The following DCC variants were observed in gnomAD, a reference collection of about 807,000 sequenced individuals.
DCC encodes the protein DCC netrin 1 receptor.
A neutral mutation model predicts 172.5 loss-of-function variants in DCC; 58 were observed. The ratio of observed to expected loss-of-function variants is 0.34; its 90% confidence interval spans 0.27 to 0.42. The LOEUF is 0.42. DCC is among the 10% of genes least tolerant of loss of function. The pLI is 1.00. For synonymous variants in DCC, 709 were observed against 644.5 expected, an observed-to-expected ratio of 1.10 and a Z score of -1.52; for missense variants, 1,740 against 1,791.0, an observed-to-expected ratio of 0.97 and a Z score of 0.51.
intron 1 of DCC, among the ~76,000 whole-genome samples, chr18:52,540,658 G>C (rs2032415480): frequency 7.3e-6 from 1 of 137,138 alleles, no homozygotes; most frequent in Non-Finnish European, 1.5e-5. Context: ...CCAAGCCGGA[G>C]TGCAGTGGCG....
At chr18:52,965,543 G>A (rs1323035634) in intron 5 of DCC, among the ~76,000 whole-genome samples, 1 of 152,080 alleles carries the variant, frequency 6.6e-6, no homozygotes, top group African/African-American at 2.4e-5. Context: ...CAAAAATAGG[G>A]TTAAAACTAT....
At chr18:53,304,194 A>C (rs2057173214) in intron 12 of DCC, among the ~76,000 whole-genome samples, 1 of 152,020 alleles carries the variant, frequency 6.6e-6, no homozygotes, top group Non-Finnish European at 1.5e-5. Flanking sequence ...AAAAGGCAAC[A>C]TTTGGGTGTG....
At chr18:53,084,189 C>T (rs1258334242) in intron 7 of DCC, among the ~76,000 whole-genome samples, 1 of 152,210 alleles carries the variant, frequency 6.6e-6, no homozygotes, top group Non-Finnish European at 1.5e-5. Context: ...CAGGGCATCA[C>T]ATGGCAAGGA....
intron 2 of DCC, among the ~76,000 whole-genome samples, chr18:52,832,426 A>C (rs1346736489): frequency 8.1e-6 from 1 of 123,116 alleles, no homozygotes; most frequent in Non-Finnish European, 1.7e-5. Context: ...ATACCTATCA[A>C]AACTCTGCAT....
chr18:53,309,936 ATAT>A (rs2057245545), intron 13 of DCC, among the ~76,000 whole-genome samples: 1 of 139,264 alleles, frequency 7.2e-6, no homozygotes, highest in Non-Finnish European at 1.5e-5. Flanking sequence ...ATATATATAT[ATAT>A]ATATACATGT....
chr18:53,356,114 G>A (rs1410122817), intron 15 of DCC, among the ~76,000 whole-genome samples: 3 of 151,940 alleles, frequency 2.0e-5, no homozygotes, highest in Non-Finnish European at 4.4e-5. Flanking sequence ...GAGTGCGGTG[G>A]TGTGATCATG....
At chr18:53,215,479 A>T in intron 11 of DCC, 69 bp from the exon 12 acceptor site, 1 of 1,221,374 alleles carries the variant, frequency 8.2e-7, no homozygotes, top group Non-Finnish European at 1.2e-6. Flanking sequence ...CTCTCTTTTT[A>T]CTAGACAGGT....
At position 53,233,214 on chromosome 18, in the gene DCC, C is replaced by T. The variant is rs553189470; in HGVS notation, c.1911+17617C>T. Among the ~76,000 whole-genome samples, 6 of 152,276 alleles carry T rather than the reference C, an allele frequency of 3.9e-5. No individual in the cohort carries two copies. In the East Asian group the frequency reaches 7.7e-4, roughly 20 times the overall value. ...GCCACTAAACCTTTCTACATGTTGA[C>T]GTTCTCCCGTTCTTTACATGTGTCA... On this transcript the variant is annotated intron_variant, in intron 12 of 28. Transcript: ENST00000442544.
chr18:53,190,947 G>C (rs141607402), intron 9 of DCC, among the ~76,000 whole-genome samples: 1 of 151,954 alleles, frequency 6.6e-6, no homozygotes, highest in African/African-American at 2.4e-5. Context: ...TCCGTCTTAA[G>C]AAACAAACAA....
At chr18:53,247,286 C>T (rs1253387377) in intron 12 of DCC, among the ~76,000 whole-genome samples, 4 of 151,996 alleles carry the variant, frequency 2.6e-5, no homozygotes, top group Non-Finnish European at 5.9e-5. Flanking sequence ...TCTAAGGAAG[C>T]TGAGAAATAT....
At chr18:52,706,762 C>T (rs1446555873) in intron 1 of DCC, among the ~76,000 whole-genome samples, 1 of 152,186 alleles carries the variant, frequency 6.6e-6, no homozygotes, top group African/African-American at 2.4e-5. Flanking sequence ...ACATGATAGG[C>T]ACTGCCTCGA....
At chr18:52,371,600 GGAA>G (rs1244179753) in intron 1 of DCC, among the ~76,000 whole-genome samples, 18 of 152,070 alleles carry the variant, frequency 1.2e-4, no homozygotes, top group Admixed American at 1.2e-3. Context: ...AGCAGCCCCG[GGAA>G]GAAGGCTTTC....
At chr18:52,788,355 G>C (rs1459250457) in intron 2 of DCC, among the ~76,000 whole-genome samples, 1 of 152,118 alleles carries the variant, frequency 6.6e-6, no homozygotes, top group African/African-American at 2.4e-5. Flanking sequence ...TATCAGGTGT[G>C]GAGCCTAGGA....
intron 5 of DCC, among the ~76,000 whole-genome samples, chr18:53,040,989 G>A (rs779369548): frequency 3.3e-5 from 5 of 151,798 alleles, no homozygotes; most frequent in African/African-American, 4.8e-5. Context: ...TAGGTTGCCT[G>A]TTCACTCTGA....
intron 12 of DCC, among the ~76,000 whole-genome samples, chr18:53,232,934 C>CTG (rs1568381117): frequency 4.6e-5 from 6 of 130,088 alleles, no homozygotes; most frequent in African/African-American, 1.6e-4. Context: ...TTGCTCCTTT[C>CTG]TTTTTTTTTT....
intron 5 of DCC, among the ~76,000 whole-genome samples, chr18:52,972,246 A>G (rs1328760108): frequency 1.3e-5 from 2 of 152,218 alleles, no homozygotes; most frequent in African/African-American, 4.8e-5. Context: ...AAACACATTT[A>G]TCATACTTAT....
intron 2 of DCC, among the ~76,000 whole-genome samples, chr18:52,794,479 T>A (rs1598809487): frequency 6.6e-6 from 1 of 152,108 alleles, no homozygotes; most frequent in Admixed American, 6.6e-5. Context: ...GTGCTGCTTT[T>A]TGTATGTTGT....
chr18:53,021,553 C>CATGTGT (rs35988052), intron 5 of DCC, among the ~76,000 whole-genome samples: 9 of 151,200 alleles, frequency 6.0e-5, no homozygotes, highest in African/African-American at 2.2e-4. Flanking sequence ...TATAAACTTA[C>CATGTGT]GTGTGTGTGT....
At chr18:53,049,282 C>T (rs183280831) in intron 5 of DCC, among the ~76,000 whole-genome samples, 1 of 152,120 alleles carries the variant, frequency 6.6e-6, no homozygotes, top group Admixed American at 6.6e-5. Flanking sequence ...AATGGTATTT[C>T]CTAGCCTATC....
Sources: gnomAD v4.1 joint callset for allele counts (sites outside exome capture counted in the v4.1 genomes callset) on GRCh38, gnomAD v4.1.1 for gene constraint, MANE v1.5 for transcripts, NCBI Gene and HGNC (gene_info 2026-07-23, HGNC 2026-07-21) for gene names.